The following TMEM132C variants were observed in gnomAD, a reference collection of about 807,000 sequenced individuals.
The protein encoded by TMEM132C is transmembrane protein 132C, also known as protein phosphatase 1, regulatory subunit 152.
Under a neutral mutation model 61.4 loss-of-function variants are expected in TMEM132C, and 29 were observed. The ratio of observed to expected loss-of-function variants is 0.47; its 90% CI spans 0.35 to 0.64. TMEM132C has a LOEUF of 0.64. TMEM132C is among the 30% of genes least tolerant of loss of function. The pLI, the probability that TMEM132C is intolerant of heterozygous loss-of-function variation, is 0.00. For missense variants in TMEM132C, 1,408 were observed against 1,476.9 expected (o/e 0.95, Z 0.76); for synonymous variants, 656 against 633.1 (o/e 1.04, Z -0.54).
At chr12:128,291,026 G>A (rs568308448) in intron 1 of TMEM132C, among the ~76,000 whole-genome samples, 1 of 152,262 alleles carries the variant, frequency 6.6e-6, no homozygotes, top group Admixed American at 6.5e-5. Context: ...CCACTGAACT[G>A]GAGCGTGCTG....
At chr12:128,645,714 A>C (rs1050557575) in intron 4 of TMEM132C, among the ~76,000 whole-genome samples, 1 of 152,250 alleles carries the variant, frequency 6.6e-6, no homozygotes, top group Non-Finnish European at 1.5e-5. Context: ...CTTTGGGCTC[A>C]GTCCATCAGC....
chr12:128,563,573 G>A (rs528653127), intron 3 of TMEM132C, among the ~76,000 whole-genome samples: 2 of 152,138 alleles, frequency 1.3e-5, no homozygotes, highest in Middle Eastern at 3.2e-3. Flanking sequence ...CATTAGTAGA[G>A]CTGCTGCTGT....
rs573536137 is a variant in TMEM132C at position 128,574,139 on chromosome 12, C to T, written c.1121+30036C>T. On this transcript the variant is annotated intron_variant, in intron 3 of 8. Transcript: ENST00000435159. The stretch of plus-strand genomic sequence containing the variant: ...ACAGCTGGGCCCTGGGCCAGAACGC[C>T]ACTTCCTTGCTCCTGGCAGATCTGA... Among the ~76,000 whole-genome samples, 14 of 152,314 alleles carry T rather than the reference C, an allele frequency of 9.2e-5. No individual in the cohort carries two copies. In the South Asian group the frequency reaches 2.5e-3, roughly 27 times the overall value.
At chr12:128,642,177 G>A (rs1954163018) in intron 4 of TMEM132C, among the ~76,000 whole-genome samples, 1 of 151,842 alleles carries the variant, frequency 6.6e-6, no homozygotes, top group Non-Finnish European at 1.5e-5. Context: ...CTGTCACCAT[G>A]CTGGAGTGCA....
At position 128,362,609 on chromosome 12, in the gene TMEM132C, A is replaced by G. The variant is rs56744834; in HGVS notation, c.86-52123A>G. Among the ~76,000 whole-genome samples the G allele has an allele frequency of 5.0e-3, 760 of 152,320 alleles. 4 individuals are homozygous for G. Among genetic ancestry groups the G allele is most frequent in the African/African-American group, 0.018 (730 of 41,554 alleles). On this transcript the variant is annotated intron_variant, in intron 1 of 8. Coordinates refer to ENST00000435159, the MANE Select transcript of TMEM132C (RefSeq NM_001136103.3). ...TTTTTTCACATTTTGGAATATCTGC[A>G]TGTAATATCAGTTGAACATCCCAAT... is the stretch of plus-strand genomic sequence containing the variant.
intron 1 of TMEM132C, among the ~76,000 whole-genome samples, chr12:128,403,234 A>G (rs1875230625): frequency 6.6e-6 from 1 of 152,194 alleles, no homozygotes. Context: ...TGGAGAGAGG[A>G]AAAAATATTC....
chr12:128,394,181 C>T (rs1874863141), intron 1 of TMEM132C, among the ~76,000 whole-genome samples: 1 of 152,184 alleles, frequency 6.6e-6, no homozygotes, highest in African/African-American at 2.4e-5. Context: ...CATCAGATCT[C>T]ATGAGACTTA....
chr12:128,373,135 C>T (rs547954100), intron 1 of TMEM132C, among the ~76,000 whole-genome samples: 2 of 152,218 alleles, frequency 1.3e-5, no homozygotes, highest in African/African-American at 4.8e-5. Context: ...GGCTCAACAA[C>T]GTCCTCAGGA....
chr12:128,304,534 A>G (rs918618964), intron 1 of TMEM132C, among the ~76,000 whole-genome samples: 8 of 152,102 alleles, frequency 5.3e-5, no homozygotes, highest in African/African-American at 1.9e-4. Flanking sequence ...GCTCGAACCC[A>G]GGAGGTGGAG....
At chr12:128,407,642 C>CTTGT (rs1478938419) in intron 1 of TMEM132C, among the ~76,000 whole-genome samples, 2 of 152,158 alleles carry the variant, frequency 1.3e-5, no homozygotes, top group Non-Finnish European at 2.9e-5. Flanking sequence ...TTGGCCCAGG[C>CTTGT]TTGTTCTTCT....
chr12:128,461,245 G>A (rs553369841), intron 2 of TMEM132C, among the ~76,000 whole-genome samples: 41 of 152,250 alleles, frequency 2.7e-4, no homozygotes, highest in Admixed American at 2.0e-3. Context: ...ATCAGGTGCC[G>A]CAGGAGTCCA....
At chr12:128,517,230 C>CAATA (rs1555229186) in intron 2 of TMEM132C, among the ~76,000 whole-genome samples, 2 of 77,600 alleles carry the variant, frequency 2.6e-5, no homozygotes, top group African/African-American at 9.3e-5. Context: ...GACTCCGTCT[C>CAATA]AACAAATAAA....
At chr12:128,519,328 A>G (rs1872822053) in intron 2 of TMEM132C, among the ~76,000 whole-genome samples, 2 of 152,212 alleles carry the variant, frequency 1.3e-5, no homozygotes, top group African/African-American at 4.8e-5. Flanking sequence ...ATGTGTTAGT[A>G]ATAATTATTC....
chr12:128,444,950 T>C (rs1039194305), intron 2 of TMEM132C, among the ~76,000 whole-genome samples: 3 of 152,314 alleles, frequency 2.0e-5, no homozygotes, highest in Admixed American at 6.5e-5. Context: ...AGGAAGGTGT[T>C]TGAACCTTGT....
chr12:128,639,257 GTGATGA>G (rs575732159), intron 4 of TMEM132C, among the ~76,000 whole-genome samples: 8 of 149,696 alleles, frequency 5.3e-5, no homozygotes, highest in Non-Finnish European at 1.0e-4. Flanking sequence ...AATGATGATG[GTGATGA>G]TGATGATGGT....
At chr12:128,475,540 G>A (rs2136085752) in intron 2 of TMEM132C, among the ~76,000 whole-genome samples, 1 of 152,064 alleles carries the variant, frequency 6.6e-6, no homozygotes, top group South Asian at 2.1e-4. Context: ...TTCAGATGGT[G>A]AATTACATGG....
intron 3 of TMEM132C, among the ~76,000 whole-genome samples, chr12:128,589,363 C>T (rs1875666945): frequency 6.6e-6 from 1 of 152,098 alleles, no homozygotes; most frequent in Non-Finnish European, 1.5e-5. Context: ...GCCCAGACCT[C>T]CCTCCATGCT....
At chr12:128,596,532 G>A (rs1428426681) in intron 3 of TMEM132C, among the ~76,000 whole-genome samples, 1 of 146,930 alleles carries the variant, frequency 6.8e-6, no homozygotes, top group Non-Finnish European at 1.5e-5. Context: ...AGGCGGCAGG[G>A]CTTCACTGAT....
chr12:128,447,705 CTTT>C (rs767506039), intron 2 of TMEM132C, among the ~76,000 whole-genome samples: 5 of 58,606 alleles, frequency 8.5e-5, no homozygotes, highest in Admixed American at 1.9e-4. Context: ...ATTTCAAGTG[CTTT>C]TTTTTTTTTT....
Sources: gnomAD v4.1 joint callset for allele counts (sites outside exome capture counted in the v4.1 genomes callset) on GRCh38, gnomAD v4.1.1 for gene constraint, MANE v1.5 for transcripts, NCBI Gene and HGNC (gene_info 2026-07-23, HGNC 2026-07-21) for gene names.